Variants in AEBP2 observed in about 807,000 individuals in gnomAD.
The protein encoded by AEBP2 is zinc finger protein AEBP2.
A neutral mutation model predicts 50.8 loss-of-function variants in AEBP2; 10 were observed. That is an observed-to-expected ratio of 0.20 (90% confidence interval 0.12 to 0.33). The LOEUF (loss-of-function observed/expected upper bound fraction) is 0.33, where lower values mean the gene tolerates loss of function less well. Among genes scored for constraint, AEBP2 ranks in the 10% least tolerant of loss-of-function variants. The probability of loss-of-function intolerance (pLI) is 1.00; values close to 1 mark genes in which losing one functional copy is unlikely to be tolerated. For missense variants in AEBP2, 570 were observed against 688.0 expected (o/e 0.83, Z 1.92); for synonymous variants, 296 against 261.3 (o/e 1.13, Z -1.28).
intron 1 of AEBP2, among the ~76,000 whole-genome samples, chr12:19,461,880 T>TA (rs1189089346): frequency 1.3e-5 from 2 of 152,128 alleles, no homozygotes; most frequent in Non-Finnish European, 2.9e-5. Context: ...TTTTTATGGC[T>TA]AGAGATGAGT....
chr12:19,412,923 C>T (rs1220247736), intron 1 of AEBP2, among the ~76,000 whole-genome samples: 3 of 152,178 alleles, frequency 2.0e-5, no homozygotes, highest in African/African-American at 4.8e-5. Context: ...TGGCCGGCTC[C>T]GAGGTGGCCA....
At chr12:19,418,597 T>A (rs989663240) in intron 1 of AEBP2, among the ~76,000 whole-genome samples, 1 of 152,090 alleles carries the variant, frequency 6.6e-6, no homozygotes, top group South Asian at 2.1e-4. Context: ...CTACCCAATA[T>A]GAGTCTGTAA....
intron 1 of AEBP2, among the ~76,000 whole-genome samples, chr12:19,426,121 A>G (rs2095748402): frequency 1.3e-5 from 2 of 152,040 alleles, no homozygotes; most frequent in Non-Finnish European, 2.9e-5. Context: ...TTTTTTGTAG[A>G]AACGGGGTTT....
intron 1 of AEBP2, among the ~76,000 whole-genome samples, chr12:19,424,290 G>T (rs2095747337): frequency 6.6e-6 from 1 of 152,164 alleles, no homozygotes; most frequent in Admixed American, 6.5e-5. Flanking sequence ...ATGAACAGCA[G>T]AGAAGGAGCC....
At chr12:19,486,717 A>G (rs1479159599) in intron 3 of AEBP2, among the ~76,000 whole-genome samples, 2 of 152,134 alleles carry the variant, frequency 1.3e-5, no homozygotes, top group African/African-American at 2.4e-5. Context: ...TGCCCCATGG[A>G]CATTCCTTTA....
rs545181479 is a variant in AEBP2 at position 19,419,960 on chromosome 12, A to G, written c.-17+15744A>G. On this transcript the variant is annotated intron_variant, in intron 1 of 3. Coordinates refer to the AEBP2 transcript ENST00000538425. Reference sequence around the variant, plus strand: ...AACATCAGATTATCCTTGGTACGGTATCTATATACCTATATAAACTGACCA... The same window carrying G: ...AACATCAGATTATCCTTGGTACGGTGTCTATATACCTATATAAACTGACCA... 1.3e-4 allele frequency among the ~76,000 whole-genome samples: 19 copies of G among 151,930 alleles called. No homozygotes were observed. In the East Asian group the frequency reaches 3.7e-3, roughly 29 times the overall value.
chr12:19,475,047 T>TC (rs899439851), intron 3 of AEBP2, among the ~76,000 whole-genome samples: 5 of 152,182 alleles, frequency 3.3e-5, no homozygotes, highest in Non-Finnish European at 5.9e-5. Context: ...CACCTTGGCC[T>TC]CCCAAAGTGC....
chr12:19,469,358 T>C (rs1158963829), intron 2 of AEBP2, among the ~76,000 whole-genome samples: 1 of 152,236 alleles, frequency 6.6e-6, no homozygotes, highest in Non-Finnish European at 1.5e-5. Context: ...TTTCATTGGC[T>C]GGTCTTTCTG....
intron 1 of AEBP2, among the ~76,000 whole-genome samples, chr12:19,445,503 C>T (rs931375478): frequency 2.0e-5 from 3 of 152,100 alleles, no homozygotes; most frequent in Non-Finnish European, 2.9e-5. Flanking sequence ...CATGAGCCAC[C>T]GTGCCCGGCC....
chr12:19,409,478 G>A (rs2095738148), intron 1 of AEBP2, among the ~76,000 whole-genome samples: 1 of 151,020 alleles, frequency 6.6e-6, no homozygotes, highest in African/African-American at 2.5e-5. Context: ...ACTGGAAAAT[G>A]GCTTCCACAT....
chr12:19,476,954 G>A (rs1268325309), intron 3 of AEBP2, among the ~76,000 whole-genome samples: 1 of 152,188 alleles, frequency 6.6e-6, no homozygotes, highest in Non-Finnish European at 1.5e-5. Flanking sequence ...AGCATGGGAT[G>A]TGTTTTCATT....
chr12:19,411,165 G>A (rs1004248122), intron 1 of AEBP2, among the ~76,000 whole-genome samples: 1 of 152,204 alleles, frequency 6.6e-6, no homozygotes, highest in African/African-American at 2.4e-5. Context: ...TCACTTGGAA[G>A]CTTGGACTAC....
chr12:19,446,471 T>G (rs1313426269), intron 1 of AEBP2, among the ~76,000 whole-genome samples: 2 of 152,152 alleles, frequency 1.3e-5, no homozygotes, highest in Non-Finnish European at 2.9e-5. Flanking sequence ...AGCTCACGCC[T>G]GTAATCCCAG....
chr12:19,456,432 T>A, intron 1 of AEBP2: 1 of 1,407,436 alleles, frequency 7.1e-7, no homozygotes, highest in Non-Finnish European at 1.0e-6. Context: ...CATATCAACG[T>A]TGGCAGCATC....
intron 1 of AEBP2, among the ~76,000 whole-genome samples, chr12:19,429,866 T>C (rs1044342857): frequency 1.3e-5 from 2 of 152,148 alleles, no homozygotes; most frequent in Non-Finnish European, 1.5e-5. Flanking sequence ...CATTGTACAT[T>C]CTGAATATTA....
chr12:19,494,193 A>T (rs1021873282), intron 4 of AEBP2, among the ~76,000 whole-genome samples: 4 of 152,214 alleles, frequency 2.6e-5, no homozygotes, highest in African/African-American at 9.7e-5. Flanking sequence ...TATAAACTGT[A>T]TAAAATTAGA....
intron 1 of AEBP2, among the ~76,000 whole-genome samples, chr12:19,434,313 A>G (rs1031355069): frequency 2.0e-5 from 3 of 151,580 alleles, no homozygotes; most frequent in Non-Finnish European, 2.9e-5. Flanking sequence ...AGCTGGGGTT[A>G]CAGGCATGTG....
At position 19,462,670 on chromosome 12, in the gene AEBP2, C is replaced by G. The variant is rs1343572712; in HGVS notation, c.832C>G (p.Leu278Val). Reference sequence around the variant, plus strand: ...GGCTTGCTTCAACTCTAGCCCAGATCTGGCAGATCACATCCGTTCCATACA... The same window carrying G: ...GGCTTGCTTCAACTCTAGCCCAGATGTGGCAGATCACATCCGTTCCATACA... ...CQACFNSSPD[L>V]ADHIRSIHVD... The change falls in exon 2 of 8, where the codon CTG becomes GTG. Residue 278 changes from leucine (L) to valine (V), a missense_variant. Coordinates refer to ENST00000266508, the MANE Select transcript of AEBP2 (RefSeq NM_153207.5). 6.2e-7 allele frequency: 1 copy of G among 1,613,882 alleles called. No individual in the cohort carries two copies. Among genetic ancestry groups the G allele is most frequent in the African/African-American group, 1.3e-5 (1 of 74,932 alleles).
chr12:19,418,511 G>A (rs2638416), intron 1 of AEBP2, among the ~76,000 whole-genome samples: 151,193 of 151,888 alleles, frequency 1, 75,257 homozygotes, highest in Middle Eastern at 1. Flanking sequence ...GATTACTGGC[G>A]TGAGCCACCA....
Sources: allele counts gnomAD v4.1 joint callset (sites outside exome capture counted in the v4.1 genomes callset), GRCh38; gene constraint gnomAD v4.1.1; transcripts MANE v1.5; gene names NCBI Gene and HGNC (gene_info 2026-07-23, HGNC 2026-07-21).